Variants in TDRD9 observed in about 807,000 individuals in gnomAD.
TDRD9 encodes ATP-dependent RNA helicase TDRD9.
In TDRD9, 124 loss-of-function variants were observed where a neutral mutation model predicts 172.6. The observed-to-expected ratio is 0.72, with a 90% CI of 0.62 to 0.83. The LOEUF is 0.83. Among genes scored for constraint, TDRD9 ranks in the 40% least tolerant of loss-of-function variants. TDRD9 has a pLI of 0.00. For missense variants in TDRD9, 1,479 were observed against 1,714.1 expected (o/e 0.86, Z 2.42); for synonymous variants, 619 against 617.1 (o/e 1.00, Z -0.05).
At chr14:104,006,888 A>G (rs768642947) in intron 18 of TDRD9, 43 bp downstream of exon 18, 2 of 1,518,882 alleles carry the variant, frequency 1.3e-6, no homozygotes, top group Non-Finnish European at 1.8e-6. Context: ...GCTACCACAG[A>G]TTGTTAGTAC....
chr14:104,014,165 C>G (rs1249835237), intron 20 of TDRD9, among the ~76,000 whole-genome samples: 5 of 147,172 alleles, frequency 3.4e-5, no homozygotes, highest in Non-Finnish European at 5.9e-5. Context: ...GGAGGCAGAG[C>G]TTGCAGTGAA....
intron 1 of TDRD9, among the ~76,000 whole-genome samples, chr14:103,950,501 T>C (rs908619703): frequency 6.6e-6 from 1 of 152,232 alleles, no homozygotes; most frequent in Non-Finnish European, 1.5e-5. Context: ...AGCAATTTAA[T>C]CTTGAATTTA....
At chr14:103,996,368 T>G (rs1039429924) in intron 12 of TDRD9, among the ~76,000 whole-genome samples, 1 of 152,186 alleles carries the variant, frequency 6.6e-6, no homozygotes, top group African/African-American at 2.4e-5. Flanking sequence ...GCTGCTACGT[T>G]CTGGTGGGAG....
rs1335008348 is a variant in TDRD9, at chr14:103,994,566, A to G, written c.1283A>G (p.Asn428Ser). 1.2e-5 allele frequency: 20 copies of G among 1,613,830 alleles called. No individual in the cohort carries two copies. Among genetic ancestry groups the G allele is most frequent in the Non-Finnish European group, 1.7e-5 (20 of 1,179,850 alleles). The change falls in exon 11 of 36, where the codon AAT (asparagine) becomes AGT (serine). Residue 428 changes from asparagine to serine, a missense_variant. Around this residue, in one of 3 missense-constraint regions of TDRD9, gnomAD observed 1,413 missense variants for 1,649.1 expected, o/e 0.86. Transcript: ENST00000409874. ...LHSSVALEEQNNVFLSPVPGY... is the reference protein window; with the variant it reads ...LHSSVALEEQSNVFLSPVPGY... ...TCAAGTGTGGCTTTAGAAGAACAGA[A>G]TAATGTCTTTTTAAGTCCAGTCCCT...
chr14:103,956,144 A>G (rs56915988), intron 2 of TDRD9, among the ~76,000 whole-genome samples: 3,108 of 80,346 alleles, frequency 0.039, 133 homozygotes, highest in African/African-American at 0.056. Flanking sequence ...ATATATATAT[A>G]TATATAATTA....
intron 23 of TDRD9, 46 bp downstream of exon 23, chr14:104,018,238 T>C: frequency 8.4e-7 from 1 of 1,193,290 alleles, no homozygotes; most frequent in Non-Finnish European, 1.2e-6. Flanking sequence ...GGAGGCATAA[T>C]GATTCAAATG....
At chr14:104,022,426 C>G (rs1210749639) in intron 24 of TDRD9, 96 bp downstream of exon 24, 8 of 1,334,132 alleles carry the variant, frequency 6.0e-6, no homozygotes, top group Non-Finnish European at 8.3e-6. Flanking sequence ...TGCTTCAGAT[C>G]ATGGTAAAAG....
At chr14:104,016,817 G>A (rs980321038) in intron 22 of TDRD9, among the ~76,000 whole-genome samples, 2 of 152,178 alleles carry the variant, frequency 1.3e-5, no homozygotes, top group African/African-American at 2.4e-5. Flanking sequence ...GTGTCATATC[G>A]TAAGGGCTCA....
Position 103,975,462 on chromosome 14 carries a change from T to C in TDRD9, c.920T>C (p.Met307Thr). The C allele has an allele frequency of 6.2e-7, 1 of 1,613,988 alleles. No homozygotes were observed. Among genetic ancestry groups the C allele is most frequent in the Non-Finnish European group, 8.5e-7 (1 of 1,179,870 alleles). ...TTTGCTGTTCCTGTTCAAAACAAGA[T>C]GAATCCTGCATATATTTTTGAAGTG... ...DYFAVPVQNK[M>T]NPAYIFEVEG... The change falls in exon 7 of 36, where the codon ATG becomes ACG. Residue 307 changes from methionine to threonine, a missense_variant. Met to Thr is a moderately conservative substitution (Grantham distance 81). Transcript: ENST00000409874.
At chr14:104,031,002 CAT>C in intron 28 of TDRD9, 104 bp from the exon 29 acceptor site, 1 of 1,022,032 alleles carries the variant, frequency 9.8e-7, no homozygotes, top group African/African-American at 1.6e-5. Context: ...AAATTAATGA[CAT>C]AGAAATCAGA....
chr14:104,045,043 T>C (rs8014639), intron 34 of TDRD9, among the ~76,000 whole-genome samples: 151 of 151,862 alleles, frequency 9.9e-4, no homozygotes, highest in African/African-American at 3.6e-3. Context: ...CTTGAGAGGC[T>C]GAGGCAGGAG....
Position 104,028,553 on chromosome 14 carries a change from G to GT in TDRD9, c.3282+1617dup, listed in dbSNP as rs1230658718. Among the ~76,000 whole-genome samples, 17 of 152,154 alleles carry GT rather than the reference G, an allele frequency of 1.1e-4. No homozygotes were observed. The East Asian group carries it at 3.3e-3, about 29-fold the overall frequency. ...TAATTGGATTATTTGCTTTTTTGCT[G>GT]TTTGAGTTCCTTGTGTATTCTGGAT... On this transcript the variant is annotated intron_variant, in intron 28 of 35. Transcript: ENST00000409874.
intron 1 of TDRD9, among the ~76,000 whole-genome samples, chr14:103,933,698 G>C (rs533823964): frequency 1.3e-5 from 2 of 152,092 alleles, no homozygotes; most frequent in East Asian, 3.9e-4. Flanking sequence ...GTGAGCCACC[G>C]CATCTGGCCC....
intron 1 of TDRD9, 52 bp downstream of exon 1, chr14:103,928,776 G>A: frequency 3.1e-6 from 2 of 640,450 alleles, no homozygotes; most frequent in Non-Finnish European, 2.1e-6. Flanking sequence ...GCGAGGCCTG[G>A]CGACGAGGGC....
chr14:103,934,194 G>A (rs2030596275), intron 1 of TDRD9, among the ~76,000 whole-genome samples: 1 of 151,950 alleles, frequency 6.6e-6, no homozygotes, highest in South Asian at 2.1e-4. Context: ...TTTATTTTTT[G>A]TAAAGATGGT....
intron 7 of TDRD9, among the ~76,000 whole-genome samples, chr14:103,982,095 GCCT>G (rs1212632149): frequency 6.6e-6 from 1 of 151,538 alleles, no homozygotes; most frequent in Non-Finnish European, 1.5e-5. Context: ...CACCAGCCGC[GCCT>G]CCTGGGTTTC....
At chr14:104,041,968 A>G in intron 33 of TDRD9, 101 bp from the exon 34 acceptor site, 1 of 781,824 alleles carries the variant, frequency 1.3e-6, no homozygotes. Context: ...AACCATACTG[A>G]TGACAGAGAA....
intron 23 of TDRD9, among the ~76,000 whole-genome samples, chr14:104,021,073 T>C (rs1053423635): frequency 6.6e-6 from 1 of 152,228 alleles, no homozygotes; most frequent in African/African-American, 2.4e-5. Context: ...CTCATGGTTC[T>C]GCAGGCTGTA....
intron 1 of TDRD9, among the ~76,000 whole-genome samples, chr14:103,954,242 C>G (rs2032085392): frequency 6.6e-6 from 1 of 152,158 alleles, no homozygotes; most frequent in African/African-American, 2.4e-5. Flanking sequence ...TTTAGCTTGT[C>G]CCCTGTTGGA....
Sources: gnomAD v4.1 joint callset for allele counts (sites outside exome capture counted in the v4.1 genomes callset) on GRCh38, gnomAD v4.1.1 for gene constraint, gnomAD v4.1.1 regional missense constraint, MANE v1.5 for transcripts, NCBI Gene and HGNC (gene_info 2026-07-23, HGNC 2026-07-21) for gene names.